Variants in RP1L1 observed in about 807,000 individuals in gnomAD.
RP1L1 encodes RP1 like 1, also known as retinitis pigmentosa 1-like 1 protein.
Under a neutral mutation model 15.7 loss-of-function variants are expected in RP1L1, and 27 were observed. The observed-to-expected ratio is 1.72, with a 90% confidence interval of 1.27 to 2.38. RP1L1 has a LOEUF of 2.38. RP1L1 is among the 30% of genes most tolerant of loss of function. RP1L1 has a pLI of 0.00. For synonymous variants in RP1L1, 1,813 were observed against 1,276.7 expected (o/e 1.42, Z -8.96); for missense variants, 4,798 against 3,075.9 (o/e 1.56, Z -13.24).
At chr8:10,625,820 G>C (rs1798147827) in intron 1 of RP1L1, among the ~76,000 whole-genome samples, 1 of 152,106 alleles carries the variant, frequency 6.6e-6, no homozygotes, top group South Asian at 2.1e-4. Flanking sequence ...CCACCCCTGG[G>C]GCTGATTAGG....
intron 1 of RP1L1, among the ~76,000 whole-genome samples, chr8:10,635,451 G>A: frequency 6.6e-6 from 1 of 152,246 alleles, no homozygotes; most frequent in Non-Finnish European, 1.5e-5. Context: ...CTGAAGGAAT[G>A]TAGCCAACGC....
chr8:10,611,638 G>C lies in RP1L1; in HGVS notation c.2460C>G (p.Pro820=), dbSNP rs747256762. 2 of 1,612,942 alleles carry C rather than the reference G, an allele frequency of 1.2e-6. No homozygotes were observed. The highest frequency in any genetic ancestry group is 1.1e-5 in the South Asian group (1 of 91,086). The change falls in exon 4 of 4, where the codon CCC becomes CCG. Residue 820 remains proline (P), a synonymous_variant. Coordinates refer to ENST00000382483, the MANE Select transcript of RP1L1 (RefSeq NM_178857.6). ...VGRPEQGAVG[P]HRSHCCSQPG... Reference sequence around the variant, plus strand: ...GCTGTGAGCAGCAGTGGCTTCGGTGGGGGCCCACCGCCCCTTGCTCAGGCC... The same window carrying C: ...GCTGTGAGCAGCAGTGGCTTCGGTGCGGGCCCACCGCCCCTTGCTCAGGCC...
At chr8:10,633,497 C>T (rs1030415693) in intron 1 of RP1L1, among the ~76,000 whole-genome samples, 3 of 152,200 alleles carry the variant, frequency 2.0e-5, no homozygotes, top group Admixed American at 6.5e-5. Context: ...CACTCCCATC[C>T]GTGCAACCTG....
intron 1 of RP1L1, among the ~76,000 whole-genome samples, chr8:10,624,480 G>A (rs931998470): frequency 6.6e-6 from 1 of 152,256 alleles, no homozygotes; most frequent in Non-Finnish European, 1.5e-5. Flanking sequence ...AGGAGGTGAT[G>A]CAGAGACTCC....
chr8:10,617,221 A>T (rs1405754500), intron 2 of RP1L1, among the ~76,000 whole-genome samples: 1 of 152,032 alleles, frequency 6.6e-6, no homozygotes, highest in Non-Finnish European at 1.5e-5. Context: ...TCACTGCAGA[A>T]TTCCTTTCCA....
intron 1 of RP1L1, among the ~76,000 whole-genome samples, chr8:10,636,724 C>T (rs911096473): frequency 3.9e-5 from 6 of 152,238 alleles, no homozygotes; most frequent in African/African-American, 1.4e-4. Context: ...GGGCAGCGGT[C>T]AAGCAATCAG....
intron 1 of RP1L1, among the ~76,000 whole-genome samples, chr8:10,650,918 C>G (rs1479924657): frequency 6.6e-6 from 1 of 152,192 alleles, no homozygotes; most frequent in Non-Finnish European, 1.5e-5. Context: ...GAACATCTTA[C>G]TTAATCTTTG....
intron 1 of RP1L1, among the ~76,000 whole-genome samples, chr8:10,625,975 G>C (rs1283868303): frequency 6.6e-6 from 1 of 152,064 alleles, no homozygotes; most frequent in Non-Finnish European, 1.5e-5. Context: ...AGCAGGGAAG[G>C]AAAGCAGAGG....
At position 10,611,593 on chromosome 8, in the gene RP1L1, T is replaced by C; in HGVS notation, c.2505A>G (p.Gln835=). 5 of 1,611,688 alleles carry C rather than the reference T, an allele frequency of 3.1e-6. No homozygotes were observed. The highest frequency in any genetic ancestry group is 4.2e-6 in the Non-Finnish European group (5 of 1,179,342). ...CAGGGGAGGGTCCCCGCTGGGCCTC[T>C]TGGGCCGGCTGCGTCCCAGGCTGTG... ...CCSQPGTQPA[Q]EAQRGPSPEA... is the part of the protein sequence containing the mutation. The change falls in exon 4 of 4, where the codon CAA becomes CAG. Residue 835 remains glutamine, a synonymous_variant. Coordinates refer to ENST00000382483, the MANE Select transcript of RP1L1 (RefSeq NM_178857.6).
intron 1 of RP1L1, among the ~76,000 whole-genome samples, chr8:10,640,388 G>A (rs1249169842): frequency 6.6e-6 from 1 of 152,164 alleles, no homozygotes; most frequent in Non-Finnish European, 1.5e-5. Context: ...GGCTAGGCGT[G>A]ATGGCTCATT....
chr8:10,626,827 T>C (rs559685632), intron 1 of RP1L1, among the ~76,000 whole-genome samples: 1 of 152,134 alleles, frequency 6.6e-6, no homozygotes, highest in Admixed American at 6.5e-5. Context: ...CGTCATCAAG[T>C]GTGATTTCGA....
intron 1 of RP1L1, among the ~76,000 whole-genome samples, chr8:10,625,079 G>C (rs11993697): frequency 0.011 from 1,716 of 152,324 alleles, 33 homozygotes; most frequent in African/African-American, 0.039. Flanking sequence ...GCCGGACTGA[G>C]GGTGAACAAT....
intron 1 of RP1L1, among the ~76,000 whole-genome samples, chr8:10,646,841 G>A (rs1294743726): frequency 1.3e-5 from 2 of 152,256 alleles, no homozygotes; most frequent in African/African-American, 2.4e-5. Flanking sequence ...AGATCACAGT[G>A]AAGATTAAAC....
At chr8:10,624,908 C>T (rs1254742701) in intron 1 of RP1L1, among the ~76,000 whole-genome samples, 2 of 152,176 alleles carry the variant, frequency 1.3e-5, no homozygotes, top group Non-Finnish European at 2.9e-5. Flanking sequence ...AGAGTGACAA[C>T]AGCAAGCACC....
intron 1 of RP1L1, among the ~76,000 whole-genome samples, chr8:10,648,210 T>C (rs1798507970): frequency 6.6e-6 from 1 of 152,080 alleles, no homozygotes; most frequent in African/African-American, 2.4e-5. Flanking sequence ...TTTTATATTT[T>C]TAGTAAAGAT....
At chr8:10,629,688 G>A (rs1798211025) in intron 1 of RP1L1, among the ~76,000 whole-genome samples, 1 of 152,154 alleles carries the variant, frequency 6.6e-6, no homozygotes, top group Non-Finnish European at 1.5e-5. Flanking sequence ...CATAGAAATA[G>A]TCTAGAGATG....
chr8:10,653,163 T>C (rs550265940), intron 1 of RP1L1, among the ~76,000 whole-genome samples: 1 of 152,320 alleles, frequency 6.6e-6, no homozygotes, highest in African/African-American at 2.4e-5. Flanking sequence ...ACAGGTCTCT[T>C]GGAGGGAGTT....
chr8:10,606,691 G>T lies in RP1L1; in HGVS notation c.*204C>A. ...CACCCCCTTTCTTCACACTGCGTGTGGGACGGGCCGCAGAGCTCTCTGACA... is the reference window on the plus strand; with the variant it reads ...CACCCCCTTTCTTCACACTGCGTGTTGGACGGGCCGCAGAGCTCTCTGACA... On this transcript the variant is annotated 3_prime_UTR_variant, in exon 4 of 4. Transcript: ENST00000382483. 2.5e-6 allele frequency: 2 copies of T among 806,972 alleles called. No homozygotes were observed. Among genetic ancestry groups the T allele is most frequent in the Non-Finnish European group, 3.8e-6 (2 of 527,130 alleles). The allele number at this position is 806,972 out of a possible 1,614,324, so 50.0% of individuals were successfully genotyped here. A position where few individuals can be genotyped will look rare whatever the true frequency, so the allele number is the denominator to read the frequency against.
Position 10,622,939 on chromosome 8 carries a change from T to C in RP1L1, c.263A>G (p.His88Arg), listed in dbSNP as rs758377508. The change falls in exon 2 of 4, where the codon CAT (histidine) becomes CGT (arginine). Residue 88 changes from histidine to arginine, a missense_variant. Physicochemically the swap from His to Arg is conservative, Grantham distance 29 (BLOSUM62 0). Coordinates refer to ENST00000382483, the MANE Select transcript of RP1L1 (RefSeq NM_178857.6). Reference protein sequence around the residue: ...VRSVTTPRGLHSLSALEQLED... With the variant: ...VRSVTTPRGLRSLSALEQLED... ...CAGCTGCTCCAGGGCGCTGAGGCTA[T>C]GCAGGCCCCGGGGTGTGGTGACAGA... 1.9e-6 allele frequency: 3 copies of C among 1,613,954 alleles called. No homozygotes were observed. In the South Asian group the frequency reaches 3.3e-5, roughly 18 times the overall value.
Sources: gnomAD v4.1 joint callset for allele counts (sites outside exome capture counted in the v4.1 genomes callset) on GRCh38, gnomAD v4.1.1 for gene constraint, MANE v1.5 for transcripts, NCBI Gene and HGNC (gene_info 2026-07-23, HGNC 2026-07-21) for gene names.